NEO1: variants seen among roughly 807,000 people sequenced by gnomAD.
The protein encoded by NEO1 is neogenin.
NEO1 carries 63 observed loss-of-function variants against 159.7 expected under a neutral mutation model. The ratio of observed to expected loss-of-function variants is 0.39; its 90% CI spans 0.32 to 0.49. The LOEUF (loss-of-function observed/expected upper bound fraction) is 0.49. Ranked by LOEUF, NEO1 falls within the 20% of genes least tolerant of loss-of-function variation. The pLI, the probability that NEO1 is intolerant of heterozygous loss-of-function variation, is 0.85. For missense variants in NEO1, 1,615 were observed against 1,831.0 expected, an observed-to-expected ratio of 0.88 and a Z score of 2.15; for synonymous variants, 633 against 662.0, an observed-to-expected ratio of 0.96 and a Z score of 0.67.
rs78832039 is a variant in NEO1, at chr15:73,171,219, C to T, written c.1016-5184C>T. Among the ~76,000 whole-genome samples the T allele has an allele frequency of 8.5e-3, 1,300 of 152,090 alleles. 21 individuals are homozygous for T. Among genetic ancestry groups the T allele is most frequent in the African/African-American group, 0.03 (1,228 of 41,476 alleles). On this transcript the variant is annotated intron_variant, in intron 5 of 28. Transcript: ENST00000261908. Reference sequence around the variant, plus strand: ...AAAAAAAACCTAAGAAACAAATTAACACCAGTGAATGCACCTTGTTTGCCC... The same window carrying T: ...AAAAAAAACCTAAGAAACAAATTAATACCAGTGAATGCACCTTGTTTGCCC...
chr15:73,164,547 G>A (rs999121172), intron 5 of NEO1, among the ~76,000 whole-genome samples: 2 of 152,154 alleles, frequency 1.3e-5, no homozygotes, highest in African/African-American at 2.4e-5. Flanking sequence ...TAGCTAGGAC[G>A]TGCAGTAGAA....
intron 7 of NEO1, among the ~76,000 whole-genome samples, chr15:73,220,939 C>T (rs1242760038): frequency 6.6e-6 from 1 of 152,240 alleles, no homozygotes. Context: ...CAAAGTCATT[C>T]TCTATCCAGC....
intron 9 of NEO1, among the ~76,000 whole-genome samples, chr15:73,247,964 C>T (rs561208382): frequency 6.6e-6 from 1 of 152,252 alleles, no homozygotes; most frequent in South Asian, 2.1e-4. Context: ...AATCTCCTTA[C>T]GGGTCTTCTT....
At chr15:73,151,477 T>G (rs1016729015) in intron 5 of NEO1, among the ~76,000 whole-genome samples, 1 of 152,196 alleles carries the variant, frequency 6.6e-6, no homozygotes, top group Non-Finnish European at 1.5e-5. Context: ...CACACTGCTA[T>G]GAAGGAATAC....
intron 1 of NEO1, among the ~76,000 whole-genome samples, chr15:73,088,562 G>T (rs986671587): frequency 6.6e-6 from 1 of 152,032 alleles, no homozygotes; most frequent in African/African-American, 2.4e-5. Flanking sequence ...GCAAAGAAGA[G>T]AAATTCAATT....
At position 73,095,266 on chromosome 15, in the gene NEO1, TA is replaced by T. The variant is rs1300880807; in HGVS notation, c.131-21272del. Among the ~76,000 whole-genome samples the T allele has an allele frequency of 2.0e-5, 3 of 152,014 alleles. No homozygotes were observed. In the East Asian group the frequency reaches 5.8e-4, roughly 29 times the overall value. On this transcript the variant is annotated intron_variant, in intron 1 of 28. Coordinates refer to ENST00000261908, the MANE Select transcript of NEO1 (RefSeq NM_002499.4). ...AGTTGTCTCTGGCTTGTTTTTTAAA[TA>T]ACCTATAAGCTAATGTTGATTTTTA... is the stretch of plus-strand genomic sequence containing the variant.
At chr15:73,155,122 A>G (rs973136253) in intron 5 of NEO1, among the ~76,000 whole-genome samples, 5 of 151,582 alleles carry the variant, frequency 3.3e-5, no homozygotes, top group African/African-American at 1.2e-4. Flanking sequence ...GGTGGTGATA[A>G]ATTTTCTCAG....
At chr15:73,209,025 T>C (rs1179649913) in intron 7 of NEO1, among the ~76,000 whole-genome samples, 1 of 152,260 alleles carries the variant, frequency 6.6e-6, no homozygotes, top group Non-Finnish European at 1.5e-5. Context: ...AACTAGATTG[T>C]GACAGGATAA....
At chr15:73,121,849 T>C (rs2151648508) in intron 2 of NEO1, among the ~76,000 whole-genome samples, 1 of 152,160 alleles carries the variant, frequency 6.6e-6, no homozygotes, top group Admixed American at 6.5e-5. Context: ...ATGTCCACAT[T>C]GTTCTTTGGA....
chr15:73,118,690 C>T (rs1163985986), intron 2 of NEO1, among the ~76,000 whole-genome samples: 2 of 152,132 alleles, frequency 1.3e-5, no homozygotes, highest in Non-Finnish European at 2.9e-5. Context: ...GAAGGTGATA[C>T]ATTCTGTGAT....
At chr15:73,143,911 G>A (rs1291099399) in intron 5 of NEO1, among the ~76,000 whole-genome samples, 1 of 151,992 alleles carries the variant, frequency 6.6e-6, no homozygotes, top group Admixed American at 6.6e-5. Context: ...TTGTTTATAT[G>A]TCCTCTTCAA....
At chr15:73,181,336 A>G (rs902357263) in intron 7 of NEO1, among the ~76,000 whole-genome samples, 4 of 152,230 alleles carry the variant, frequency 2.6e-5, no homozygotes, top group Admixed American at 6.5e-5. Flanking sequence ...GAAAATTGTT[A>G]TGAGGCCATT....
At chr15:73,084,820 T>C (rs2069265335) in intron 1 of NEO1, among the ~76,000 whole-genome samples, 2 of 151,942 alleles carry the variant, frequency 1.3e-5, no homozygotes, top group Admixed American at 1.3e-4. Flanking sequence ...GTGTTTAATG[T>C]GTGTGTGTGT....
intron 5 of NEO1, among the ~76,000 whole-genome samples, chr15:73,147,641 G>T (rs2033019323): frequency 6.6e-6 from 1 of 152,132 alleles, no homozygotes. Context: ...TAAGTGAAAA[G>T]ATTTGACTAT....
intron 27 of NEO1, among the ~76,000 whole-genome samples, chr15:73,299,567 A>G (rs1005544536): frequency 2.0e-5 from 3 of 152,112 alleles, no homozygotes; most frequent in Non-Finnish European, 4.4e-5. Flanking sequence ...TTGTGTATTT[A>G]GTAGAGACGG....
At chr15:73,297,658 A>G (rs1423523526) in intron 26 of NEO1, among the ~76,000 whole-genome samples, 1 of 150,482 alleles carries the variant, frequency 6.6e-6, no homozygotes. Flanking sequence ...GCCCCTTCTT[A>G]TATTTTGAGA....
intron 22 of NEO1, among the ~76,000 whole-genome samples, 175 bp from the exon 23 acceptor site, chr15:73,282,788 TG>T (rs1433045435): frequency 6.6e-6 from 1 of 152,238 alleles, no homozygotes; most frequent in Non-Finnish European, 1.5e-5. Context: ...GACTCTTAGC[TG>T]TCTAGGAGCT....
intron 7 of NEO1, among the ~76,000 whole-genome samples, chr15:73,228,032 C>CT (rs1278598889): frequency 6.6e-6 from 1 of 152,006 alleles, no homozygotes; most frequent in East Asian, 1.9e-4. Context: ...ATTAAACATC[C>CT]TTTTTTTTCC....
chr15:73,249,813 A>C, intron 11 of NEO1, 92 bp downstream of exon 11: 1 of 1,388,496 alleles, frequency 7.2e-7, no homozygotes, highest in Non-Finnish European at 9.6e-7. Flanking sequence ...TAGAAGATTC[A>C]GTTCAAATCC....
Sources: gnomAD v4.1 joint callset for allele counts (sites outside exome capture counted in the v4.1 genomes callset) on GRCh38, gnomAD v4.1.1 for gene constraint, MANE v1.5 for transcripts, NCBI Gene and HGNC (gene_info 2026-07-23, HGNC 2026-07-21) for gene names.